Variants in PARD3 observed in about 807,000 individuals in gnomAD.
PARD3 encodes par-3 family cell polarity regulator.
Under a neutral mutation model 155.4 loss-of-function variants are expected in PARD3, and 75 were observed. That is an observed-to-expected ratio of 0.48 (90% CI 0.40 to 0.58). The LOEUF is 0.58. Ranked by LOEUF, PARD3 falls within the 20% of genes least tolerant of loss-of-function variation. The probability of loss-of-function intolerance (pLI) is 0.00; values close to 1 mark genes in which losing one functional copy is unlikely to be tolerated. For synonymous variants in PARD3, 576 were observed against 610.5 expected (o/e 0.94, Z 0.83); for missense variants, 1,642 against 1,721.7 (o/e 0.95, Z 0.82).
At chr10:34,493,444 A>T (rs568231912) in intron 3 of PARD3, among the ~76,000 whole-genome samples, 216 of 152,292 alleles carry the variant, frequency 1.4e-3, no homozygotes, top group Non-Finnish European at 2.1e-3. Context: ...TAAAAATTAT[A>T]ATACAGGCCA....
At chr10:34,168,467 T>C (rs1451339312) in intron 22 of PARD3, among the ~76,000 whole-genome samples, 1 of 152,220 alleles carries the variant, frequency 6.6e-6, no homozygotes, top group Non-Finnish European at 1.5e-5. Flanking sequence ...TGCCAAAGCA[T>C]GATTTTGATG....
chr10:34,510,298 G>A (rs866599495), intron 3 of PARD3, among the ~76,000 whole-genome samples: 1 of 152,106 alleles, frequency 6.6e-6, no homozygotes, highest in Non-Finnish European at 1.5e-5. Context: ...CCATGCAAAA[G>A]CATTCCCACT....
chr10:34,386,889 T>C (rs1842408563), intron 7 of PARD3, among the ~76,000 whole-genome samples: 1 of 150,776 alleles, frequency 6.6e-6, no homozygotes, highest in Admixed American at 6.6e-5. Context: ...ATACAAGAAA[T>C]TAAATTAAAT....
rs770136372 is a variant in PARD3 at position 34,337,444 on chromosome 10, T to A, written c.2409-18A>T. On this transcript the variant is annotated intron_variant, in intron 16 of 24. Transcript: ENST00000374788. ...TCAAAGAGCTGGAGTGAAGAAAAAATAAAAATAAAAATATTTACTAAAAAT... is the reference window on the plus strand; with the variant it reads ...TCAAAGAGCTGGAGTGAAGAAAAAAAAAAAATAAAAATATTTACTAAAAAT... The A allele has an allele frequency of 1.7e-5, 26 of 1,505,784 alleles. No individual in the cohort carries two copies. The highest frequency in any genetic ancestry group is 2.3e-5 in the Non-Finnish European group (26 of 1,128,282). 93.3% of individuals were successfully genotyped at this position (1,505,784 alleles called of 1,614,324 possible).
intron 4 of PARD3, among the ~76,000 whole-genome samples, chr10:34,465,288 T>C (rs916574223): frequency 6.6e-6 from 1 of 151,860 alleles, no homozygotes. Context: ...TTACCGTACA[T>C]ATGCAAAGAG....
At chr10:34,442,893 A>C (rs2076540719) in intron 5 of PARD3, among the ~76,000 whole-genome samples, 1 of 152,180 alleles carries the variant, frequency 6.6e-6, no homozygotes, top group Non-Finnish European at 1.5e-5. Context: ...AACAGAAAAA[A>C]GATAAGAAAA....
At chr10:34,754,041 T>G (rs937549729) in intron 1 of PARD3, among the ~76,000 whole-genome samples, 3 of 151,902 alleles carry the variant, frequency 2.0e-5, no homozygotes, top group Non-Finnish European at 4.4e-5. Flanking sequence ...TTTAGAGACA[T>G]CGTCTCCTTG....
intron 22 of PARD3, among the ~76,000 whole-genome samples, chr10:34,182,957 A>T (rs1453392081): frequency 2.0e-5 from 3 of 152,212 alleles, no homozygotes; most frequent in Admixed American, 2.0e-4. Flanking sequence ...AATTATCCTA[A>T]CATCTATGTC....
At chr10:34,662,355 A>G (rs747223987) in intron 2 of PARD3, among the ~76,000 whole-genome samples, 1 of 152,182 alleles carries the variant, frequency 6.6e-6, no homozygotes. Context: ...GAGGTTCCTT[A>G]AAAACTAAAA....
intron 22 of PARD3, among the ~76,000 whole-genome samples, chr10:34,156,634 C>G (rs1173485176): frequency 6.6e-6 from 1 of 152,190 alleles, no homozygotes; most frequent in Non-Finnish European, 1.5e-5. Flanking sequence ...CACCACTTCA[C>G]TTGCATGAGA....
chr10:34,679,815 G>A (rs1002901625), intron 2 of PARD3, among the ~76,000 whole-genome samples: 2 of 152,132 alleles, frequency 1.3e-5, no homozygotes, highest in East Asian at 1.9e-4. Context: ...GGAACTGGAG[G>A]CCATTATCCT....
chr10:34,538,207 G>A (rs547075168), intron 2 of PARD3, among the ~76,000 whole-genome samples: 1 of 152,282 alleles, frequency 6.6e-6, no homozygotes, highest in East Asian at 1.9e-4. Flanking sequence ...AAGTAATACT[G>A]AAGAAAAACC....
chr10:34,632,542 T>C (rs2092312903), intron 2 of PARD3, among the ~76,000 whole-genome samples: 1 of 152,170 alleles, frequency 6.6e-6, no homozygotes, highest in South Asian at 2.1e-4. Flanking sequence ...GTATGAACAG[T>C]TCGATGTAGG....
At chr10:34,220,114 C>T (rs904013888) in intron 22 of PARD3, among the ~76,000 whole-genome samples, 3 of 152,102 alleles carry the variant, frequency 2.0e-5, no homozygotes, top group Non-Finnish European at 2.9e-5. Context: ...GAATTATTAA[C>T]GCTGGGTTTC....
At chr10:34,316,794 T>C (rs1958036024) in intron 20 of PARD3, among the ~76,000 whole-genome samples, 2 of 152,192 alleles carry the variant, frequency 1.3e-5, no homozygotes. Context: ...ATAGCTAACA[T>C]GAAATCCATA....
intron 1 of PARD3, among the ~76,000 whole-genome samples, chr10:34,696,995 GACACACACAC>G (rs35717875): frequency 0.011 from 1,536 of 143,962 alleles, 30 homozygotes; most frequent in African/African-American, 0.037. Flanking sequence ...GAGACAAAAT[GACACACACAC>G]ACACACACAC....
chr10:34,174,729 G>A (rs2255399), intron 22 of PARD3, among the ~76,000 whole-genome samples: 35,731 of 152,034 alleles, frequency 0.24, 4,377 homozygotes, highest in Middle Eastern at 0.36. Context: ...ATTCTCAAAG[G>A]CTGATATTAA....
At chr10:34,121,022 C>T (rs1310938392) in intron 23 of PARD3, among the ~76,000 whole-genome samples, 2 of 150,544 alleles carry the variant, frequency 1.3e-5, no homozygotes, top group African/African-American at 4.9e-5. Flanking sequence ...CGTGCCATTG[C>T]ACTCCAGCCT....
At chr10:34,540,498 T>C (rs2083532166) in intron 2 of PARD3, among the ~76,000 whole-genome samples, 1 of 152,184 alleles carries the variant, frequency 6.6e-6, no homozygotes, top group Non-Finnish European at 1.5e-5. Context: ...CTCACACCTG[T>C]AATCCCAGGA....
Sources: allele counts gnomAD v4.1 joint callset (sites outside exome capture counted in the v4.1 genomes callset), GRCh38; gene constraint gnomAD v4.1.1; transcripts MANE v1.5; gene names NCBI Gene and HGNC (gene_info 2026-07-23, HGNC 2026-07-21).